Variants in IFT52 observed in about 807,000 individuals in gnomAD.
IFT52 encodes intraflagellar transport protein 52 homolog.
In IFT52, 44 loss-of-function variants were observed where a neutral mutation model predicts 54.4. That is an observed-to-expected ratio of 0.81 (90% confidence interval 0.63 to 1.04). The LOEUF is 1.04. IFT52 is among the 50% of genes least tolerant of loss of function. IFT52 has a pLI of 0.00. For synonymous variants in IFT52, 181 were observed against 185.3 expected (o/e 0.98, Z 0.19); for missense variants, 452 against 523.6 (o/e 0.86, Z 1.33).
Position 43,637,139 on chromosome 20 carries a change from T to A in IFT52, c.1012-6T>A. 2.5e-6 allele frequency: 4 copies of A among 1,578,676 alleles called. No homozygotes were observed. The highest frequency in any genetic ancestry group is 3.5e-6 in the Non-Finnish European group (4 of 1,148,310). On this transcript the variant is annotated splice_polypyrimidine_tract_variant and splice_region_variant and intron_variant, in intron 11 of 13. Transcript: ENST00000373030. ...ATTTCTAAATAATGACTTTATTTCC[T>A]TTTAGGTTTTTCCTCCCAGTTTCCG...
chr20:43,603,933 C>T, intron 4 of IFT52, 44 bp downstream of exon 4: 1 of 1,331,294 alleles, frequency 7.5e-7, no homozygotes, highest in Non-Finnish European at 1.1e-6. Flanking sequence ...ACTTTTCTAT[C>T]TATTATTTGA....
intron 6 of IFT52, among the ~76,000 whole-genome samples, chr20:43,611,974 A>G (rs1021385848): frequency 2.6e-5 from 4 of 151,932 alleles, no homozygotes; most frequent in East Asian, 1.9e-4. Flanking sequence ...AGGTTGCAGT[A>G]AGCTGAGATC....
chr20:43,605,217 G>GT, intron 6 of IFT52, 144 bp downstream of exon 6: 2 of 1,443,384 alleles, frequency 1.4e-6, no homozygotes, highest in Non-Finnish European at 1.8e-6. Flanking sequence ...GCTCTGCACT[G>GT]TAAGTCCATG....
At chr20:43,626,553 C>G (rs1984736928) in intron 10 of IFT52, among the ~76,000 whole-genome samples, 1 of 152,090 alleles carries the variant, frequency 6.6e-6, no homozygotes, top group Non-Finnish European at 1.5e-5. Flanking sequence ...GACCTATTTT[C>G]AAATCTATAA....
At chr20:43,636,092 C>A in intron 11 of IFT52, 79 bp downstream of exon 11, 1 of 1,323,568 alleles carries the variant, frequency 7.6e-7, no homozygotes, top group South Asian at 1.2e-5. Flanking sequence ...TCGCTGTGGT[C>A]CCTTCCATGT....
At chr20:43,608,667 G>C (rs1983170942) in intron 6 of IFT52, among the ~76,000 whole-genome samples, 1 of 152,182 alleles carries the variant, frequency 6.6e-6, no homozygotes, top group Non-Finnish European at 1.5e-5. Flanking sequence ...CACTTTGGGA[G>C]GCTGAGGCAG....
intron 7 of IFT52, 46 bp from the exon 8 acceptor site, chr20:43,618,894 A>C (rs763163007): frequency 8.1e-7 from 1 of 1,240,208 alleles, no homozygotes; most frequent in Admixed American, 1.7e-5. Flanking sequence ...GATACATGAG[A>C]TGCACTTTCG....
chr20:43,625,982 C>T (rs1481108081), intron 10 of IFT52, among the ~76,000 whole-genome samples: 1 of 148,048 alleles, frequency 6.8e-6, no homozygotes, highest in Non-Finnish European at 1.5e-5. Context: ...GCTGCAGTGA[C>T]CCGCTCCAGC....
At chr20:43,605,839 T>C (rs1361083722) in intron 6 of IFT52, among the ~76,000 whole-genome samples, 1 of 152,228 alleles carries the variant, frequency 6.6e-6, no homozygotes, top group African/African-American at 2.4e-5. Context: ...CAAATGCACA[T>C]GACTACTCTG....
chr20:43,592,426 A>G (rs1050638997), intron 1 of IFT52, among the ~76,000 whole-genome samples: 3 of 152,026 alleles, frequency 2.0e-5, no homozygotes, highest in African/African-American at 7.3e-5. Context: ...TACATCACGA[A>G]TTAGCCGGGT....
intron 12 of IFT52, among the ~76,000 whole-genome samples, chr20:43,638,619 A>T (rs182473089): frequency 7.9e-4 from 120 of 152,296 alleles, no homozygotes; most frequent in African/African-American, 2.6e-3. Context: ...AATATATTTT[A>T]AAAAAATAAC....
At chr20:43,612,521 C>T (rs955431334) in intron 6 of IFT52, among the ~76,000 whole-genome samples, 8 of 151,600 alleles carry the variant, frequency 5.3e-5, no homozygotes, top group Non-Finnish European at 8.8e-5. Context: ...GGTGAAACCC[C>T]GTTTCTACAA....
At chr20:43,597,748 G>C (rs1001441130) in intron 3 of IFT52, among the ~76,000 whole-genome samples, 1 of 152,054 alleles carries the variant, frequency 6.6e-6, no homozygotes, top group African/African-American at 2.4e-5. Context: ...ACAAAAATTA[G>C]CCGGGCGTGA....
Position 43,643,913 on chromosome 20 carries a change from A to C in IFT52, c.1266+1289A>C, listed in dbSNP as rs750864414. Reference sequence around the variant, plus strand: ...CAAGAGATTGAGACCATCCTGGCCAACATGGTGAAACCCCATCTCTACTAA... The same window carrying C: ...CAAGAGATTGAGACCATCCTGGCCACCATGGTGAAACCCCATCTCTACTAA... On this transcript the variant is annotated intron_variant, in intron 13 of 13. Transcript: ENST00000373030. Among the ~76,000 whole-genome samples the C allele has an allele frequency of 3.1e-4, 18 of 57,712 alleles. 7 individuals are homozygous for C. Among genetic ancestry groups the C allele is most frequent in the Non-Finnish European group, 7.5e-4 (18 of 24,114 alleles). 37.9% of individuals were successfully genotyped at this position (57,712 alleles called of 152,430 possible). A position where few individuals can be genotyped will look rare whatever the true frequency, so the allele number is the denominator to read the frequency against.
chr20:43,592,194 T>C (rs919684141), intron 1 of IFT52, among the ~76,000 whole-genome samples: 1 of 152,070 alleles, frequency 6.6e-6, no homozygotes, highest in East Asian at 1.9e-4. Flanking sequence ...GTCTCTACTA[T>C]GGCGCGCGCC....
chr20:43,607,678 G>C (rs942583317), intron 6 of IFT52, among the ~76,000 whole-genome samples: 5 of 149,456 alleles, frequency 3.3e-5, no homozygotes, highest in Admixed American at 2.0e-4. Context: ...CAGCCAGGCA[G>C]AGGGGCTCCT....
intron 2 of IFT52, among the ~76,000 whole-genome samples, 197 bp downstream of exon 2, chr20:43,595,014 C>T (rs562957380): frequency 1.3e-5 from 2 of 151,416 alleles, no homozygotes; most frequent in African/African-American, 2.4e-5. Flanking sequence ...GGGCGGATCA[C>T]GAGGTCAAGA....
chr20:43,628,865 A>C (rs1984949226), intron 10 of IFT52, among the ~76,000 whole-genome samples: 1 of 151,536 alleles, frequency 6.6e-6, no homozygotes, highest in African/African-American at 2.4e-5. Context: ...AAAAAAAAAA[A>C]ATTGCCAAAG....
intron 7 of IFT52, among the ~76,000 whole-genome samples, chr20:43,615,948 A>G (rs1983826967): frequency 6.8e-6 from 1 of 147,758 alleles, no homozygotes; most frequent in African/African-American, 2.5e-5. Flanking sequence ...GAAAAAAAAA[A>G]TATTGAAAAA....
Sources: allele counts gnomAD v4.1 joint callset (sites outside exome capture counted in the v4.1 genomes callset), GRCh38; gene constraint gnomAD v4.1.1; transcripts MANE v1.5; gene names NCBI Gene and HGNC (gene_info 2026-07-23, HGNC 2026-07-21).